The following PRPF31 variants were observed in gnomAD, a reference collection of about 807,000 sequenced individuals.
PRPF31 encodes the protein U4/U6 small nuclear ribonucleoprotein Prp31.
A neutral mutation model predicts 60.4 loss-of-function variants in PRPF31; 12 were observed. That is an observed-to-expected ratio of 0.20 (90% CI 0.13 to 0.32). The LOEUF is 0.32. Ranked by LOEUF, PRPF31 falls within the 10% of genes least tolerant of loss-of-function variation. The pLI is 1.00. For missense variants in PRPF31, 431 were observed against 687.1 expected (o/e 0.63, Z 4.17); for synonymous variants, 287 against 287.9 (o/e 1.00, Z 0.03).
At chr19:54,127,855 G>C (rs1402840331) in intron 9 of PRPF31, among the ~76,000 whole-genome samples, 2 of 152,228 alleles carry the variant, frequency 1.3e-5, no homozygotes, top group African/African-American at 2.4e-5. Context: ...GGACATTCTT[G>C]TTGGGGCCGG....
In PRPF31 at chr19:54,127,738, C is replaced by G. The variant is rs2073953734; in HGVS notation, c.946-335C>G. ...CAAGCACCCGGCCTGGCACAGCGTT[C>G]AGGTGTTCCGTGTCCCCTTCTCCTT... is the stretch of plus-strand genomic sequence containing the variant. On this transcript the variant is annotated intron_variant, in intron 9 of 13. Coordinates refer to ENST00000321030, the MANE Select transcript of PRPF31 (RefSeq NM_015629.4). 5.9e-5 allele frequency among the ~76,000 whole-genome samples: 9 copies of G among 152,218 alleles called. 1 individual carries two copies. In the South Asian group the frequency reaches 1.9e-3, roughly 31 times the overall value.
At position 54,123,851 on chromosome 19, in the gene PRPF31, C is replaced by T. The variant is rs932886177; in HGVS notation, c.630C>T (p.Ser210=). The T allele has an allele frequency of 2.5e-6, 4 of 1,613,994 alleles. No individual in the cohort carries two copies. The African/African-American group carries it at 4.0e-5, about 16-fold the overall frequency. The change falls in exon 7 of 14, where the codon TCC becomes TCT. Residue 210 remains serine (S), a synonymous_variant. Coordinates refer to ENST00000321030, the MANE Select transcript of PRPF31 (RefSeq NM_015629.4). ...ACCGCATCTACGAGTATGTGGAGTC[C>T]CGGATGTCCTTCATCGCACCCAACC... is the stretch of plus-strand genomic sequence containing the variant. ...SKHRIYEYVE[S]RMSFIAPNLS... is the part of the protein sequence containing the mutation.
At chr19:54,130,135 G>A (rs1201498343) in intron 13 of PRPF31, among the ~76,000 whole-genome samples, 3 of 116,576 alleles carry the variant, frequency 2.6e-5, no homozygotes, top group Non-Finnish European at 5.5e-5. Flanking sequence ...GGCGCAGACA[G>A]CTCAGTAAGA....
At chr19:54,131,223 G>A (rs1244696646) in intron 13 of PRPF31, 84 bp from the exon 14 acceptor site, 1 of 1,566,578 alleles carries the variant, frequency 6.4e-7, no homozygotes, top group Non-Finnish European at 8.8e-7. Flanking sequence ...AGTGCCATGG[G>A]GAAGGGCCTG....
chr19:54,122,832 C>T (rs778219681), intron 5 of PRPF31: 8 of 608,490 alleles, frequency 1.3e-5, no homozygotes, highest in South Asian at 3.8e-5. Flanking sequence ...ACGCTGCTCC[C>T]GCTGTGGTTG....
chr19:54,127,504 G>T (rs1033762689), intron 9 of PRPF31, among the ~76,000 whole-genome samples: 1 of 151,004 alleles, frequency 6.6e-6, no homozygotes, highest in South Asian at 2.1e-4. Context: ...ACCTCTTCAC[G>T]TCCCTTTTGC....
At chr19:54,122,903 G>C in intron 5 of PRPF31, 3 of 536,878 alleles carry the variant, frequency 5.6e-6, no homozygotes, top group Non-Finnish European at 6.8e-6. Flanking sequence ...ACGGAGATTT[G>C]GGGGAGAGAG....
chr19:54,124,468 G>C (rs967404293), intron 7 of PRPF31, 31 bp from the exon 8 acceptor site: 1 of 1,559,856 alleles, frequency 6.4e-7, no homozygotes, highest in Non-Finnish European at 8.7e-7. Flanking sequence ...TCTTCTGACC[G>C]CCCCCCCTTC....
chr19:54,124,656 G>A lies in PRPF31; in HGVS notation c.855G>A (p.Pro285=), dbSNP rs149447109. The A allele has an allele frequency of 9.9e-6, 16 of 1,612,332 alleles. No individual in the cohort carries two copies. The highest frequency in any genetic ancestry group is 8.8e-5 in the South Asian group (8 of 91,088). ...GTGACATCGTGCAGTCCCTGCCACCGGTGAGCCCACTGCGTCATGGCCCCT... is the reference window on the plus strand; with the variant it reads ...GTGACATCGTGCAGTCCCTGCCACCAGTGAGCCCACTGCGTCATGGCCCCT... ...YHSDIVQSLP[P]DLRRKAARLV... Residue 285 remains proline (P), a splice_region_variant and synonymous_variant, in exon 8 of 14, where the codon CCG becomes CCA. Transcript: ENST00000321030.
intron 9 of PRPF31, among the ~76,000 whole-genome samples, chr19:54,127,130 C>T (rs2073940900): frequency 6.6e-6 from 1 of 152,064 alleles, no homozygotes; most frequent in African/African-American, 2.4e-5. Flanking sequence ...AAAACAAAAA[C>T]AAAAAACAGT....
intron 5 of PRPF31, 57 bp downstream of exon 5, chr19:54,122,651 C>A: frequency 7.2e-7 from 1 of 1,395,112 alleles, no homozygotes; most frequent in Non-Finnish European, 1.0e-6. Context: ...GCGGGGCTCA[C>A]TCTCGGACCC....
Position 54,126,535 on chromosome 19 carries a change from G to A in PRPF31, c.863G>A (p.Arg288Gln), listed in dbSNP as rs756193579. ...DIVQSLPPDLRRKAARLVAAK... is the reference protein window; with the variant it reads ...DIVQSLPPDLQRKAARLVAAK... The stretch of plus-strand genomic sequence containing the variant: ...CGTTTTCCGTTGCTCCAGGATCTGC[G>A]GCGGAAAGCGGCCCGGCTGGTGGCC... Residue 288 changes from arginine to glutamine, a missense_variant, in exon 9 of 14, where the codon CGG (arginine) becomes CAG (glutamine). By Grantham distance (43) the Arg-to-Gln change is conservative. This residue lies in a region of PRPF31 where 314 missense variants were observed against 475.3 expected (regional missense o/e 0.66). Coordinates refer to ENST00000321030, the MANE Select transcript of PRPF31 (RefSeq NM_015629.4). 6.2e-6 allele frequency: 10 copies of A among 1,613,050 alleles called. No homozygotes were observed. The highest frequency in any genetic ancestry group is 5.5e-5 in the South Asian group (5 of 90,908).
In PRPF31 at chr19:54,129,298, A is replaced by G. The variant is rs35230170; in HGVS notation, c.1302A>G (p.Val434=). ...LQRTLQKQSV[V]YGGKSTIRDR... ...GGACCCTGCAGAAGCAGAGCGTCGTATATGGCGGGAAGTCCACCATCCGCG... is the reference window on the plus strand; with the variant it reads ...GGACCCTGCAGAAGCAGAGCGTCGTGTATGGCGGGAAGTCCACCATCCGCG... Residue 434 remains valine, a synonymous_variant, in exon 13 of 14, where the codon GTA becomes GTG. Transcript: ENST00000321030. 4,383 of 1,610,066 alleles carry G rather than the reference A, an allele frequency of 2.7e-3. 104 individuals carry two copies. The African/African-American group carries it at 0.048, about 18-fold the overall frequency.
chr19:54,130,640 A>G (rs1411622656), intron 13 of PRPF31, among the ~76,000 whole-genome samples: 8 of 150,740 alleles, frequency 5.3e-5, no homozygotes, highest in South Asian at 2.1e-4. Flanking sequence ...AAAAAAAAAG[A>G]AGGCAGAAAT....
intron 3 of PRPF31, chr19:54,118,866 A>G (rs1056234173): frequency 1.6e-5 from 9 of 565,232 alleles, no homozygotes; most frequent in African/African-American, 3.8e-5. Flanking sequence ...GATAGGACTC[A>G]GCTTGAGGTT....
chr19:54,121,457 C>G (rs370729559), intron 3 of PRPF31, among the ~76,000 whole-genome samples: 1 of 152,020 alleles, frequency 6.6e-6, no homozygotes, highest in African/African-American at 2.4e-5. Flanking sequence ...CAAACAGGAA[C>G]GGGGGAACTC....
chr19:54,122,771 G>T, intron 5 of PRPF31, 177 bp downstream of exon 5: 2 of 684,882 alleles, frequency 2.9e-6, no homozygotes, highest in South Asian at 1.6e-5. Flanking sequence ...CTTTCTCAGG[G>T]CTCCCCTCCA....
Position 54,123,036 on chromosome 19 carries a change from G to C in PRPF31, c.421-418G>C, listed in dbSNP as rs921820736. On this transcript the variant is annotated intron_variant, in intron 5 of 13. Coordinates refer to ENST00000321030, the MANE Select transcript of PRPF31 (RefSeq NM_015629.4). ...GGTCTTAGGAGAAAGCCAAGGAAGG[G>C]TTTCGGAAAAGAGGGGCAGGTGTGC... 2.0e-4 allele frequency: 88 copies of C among 442,126 alleles called. 1 individual carries two copies. Among genetic ancestry groups the C allele is most frequent in the Admixed American group, 3.2e-4 (9 of 28,454 alleles). The allele number at this position is 442,126 out of a possible 1,614,324, so 27.4% of individuals were successfully genotyped here.
Position 54,128,508 on chromosome 19 carries a change from C to G in PRPF31, c.1146+131C>G, listed in dbSNP as rs867764596. 524 of 943,116 alleles carry G rather than the reference C, an allele frequency of 5.6e-4. 2 individuals are homozygous for G. Among genetic ancestry groups the G allele is most frequent in the Middle Eastern group, 9.6e-4 (3 of 3,118 alleles). 58.4% of individuals were successfully genotyped at this position (943,116 alleles called of 1,614,324 possible). A position where few individuals can be genotyped will look rare whatever the true frequency, so the allele number is the denominator to read the frequency against. On this transcript the variant is annotated intron_variant, in intron 11 of 13. Coordinates refer to ENST00000321030, the MANE Select transcript of PRPF31 (RefSeq NM_015629.4). ...CTAGGGCGCTGCCCCAGCCTCCCCC[C>G]CCCCGGCCTCTATTCTCGTTTCCAT...
Sources: gnomAD v4.1 joint callset for allele counts (sites outside exome capture counted in the v4.1 genomes callset) on GRCh38, gnomAD v4.1.1 for gene constraint, gnomAD v4.1.1 regional missense constraint, MANE v1.5 for transcripts, NCBI Gene and HGNC (gene_info 2026-07-23, HGNC 2026-07-21) for gene names.